MRAP2: variants seen among roughly 807,000 people sequenced by gnomAD.
The protein encoded by MRAP2 is melanocortin 2 receptor accessory protein 2, also known as melanocortin-2 receptor accessory protein 2.
MRAP2 carries 20 observed loss-of-function variants against 17.4 expected under a neutral mutation model. The observed-to-expected ratio is 1.15, with a 90% confidence interval of 0.81 to 1.67. The LOEUF (loss-of-function observed/expected upper bound fraction) is 1.67. Ranked by LOEUF, MRAP2 falls within the 40% of genes most tolerant of loss-of-function variation. The pLI, the probability that MRAP2 is intolerant of heterozygous loss-of-function variation, is 0.00. For synonymous variants in MRAP2, 96 were observed against 88.4 expected (o/e 1.09, Z -0.48); for missense variants, 238 against 240.0 (o/e 0.99, Z 0.05).
At chr6:84,129,340 C>A in the MRAP2 span, among the ~76,000 whole-genome samples, 1 of 152,188 alleles carries the variant, frequency 6.6e-6, no homozygotes, top group Non-Finnish European at 1.5e-5. Flanking sequence ...TCTCCGCATC[C>A]TCTCCAGCAT....
intron 3 of MRAP2, among the ~76,000 whole-genome samples, chr6:84,082,784 T>G (rs563438488): frequency 1.9e-4 from 29 of 152,324 alleles, no homozygotes; most frequent in African/African-American, 6.5e-4. Flanking sequence ...TCCTTTATTC[T>G]TTAATTCATA....
intron 3 of MRAP2, among the ~76,000 whole-genome samples, chr6:84,067,627 T>C (rs927784100): frequency 1.3e-5 from 2 of 152,220 alleles, no homozygotes; most frequent in African/African-American, 4.8e-5. Context: ...ATTTCCCTGA[T>C]CACTAGTGAT....
the MRAP2 span, among the ~76,000 whole-genome samples, chr6:84,123,443 C>A: frequency 6.6e-6 from 1 of 152,032 alleles, no homozygotes. Flanking sequence ...ACTAACTGAT[C>A]TCTGACAAAG....
rs1346445454 is a variant in MRAP2, at chr6:84,090,227, A to G, written c.*746A>G. The G allele has an allele frequency of 6.6e-6, 1 of 152,154 alleles. No individual in the cohort carries two copies. Among genetic ancestry groups the G allele is most frequent in the Non-Finnish European group, 1.5e-5 (1 of 68,054 alleles). The allele number at this position is 152,154 out of a possible 1,614,324, so 9.4% of individuals were successfully genotyped here. On this transcript the variant is annotated 3_prime_UTR_variant, in exon 4 of 4. Transcript: ENST00000257776. The stretch of plus-strand genomic sequence containing the variant: ...TAGGGTACTGCCTCGTATCTCTTGT[A>G]GGCTCTCTCAAATCTCTGTACCTTC...
chr6:84,132,937 T>C, the MRAP2 span, among the ~76,000 whole-genome samples: 1 of 152,158 alleles, frequency 6.6e-6, no homozygotes, highest in Non-Finnish European at 1.5e-5. Flanking sequence ...AGAGGCACTC[T>C]GATTTTTGGA....
At chr6:84,091,551 G>A (rs769443834), downstream of MRAP2, among the ~76,000 whole-genome samples, 2 of 152,014 alleles carry the variant, frequency 1.3e-5, no homozygotes, top group Non-Finnish European at 2.9e-5. Flanking sequence ...CTTCTAATAT[G>A]AGTATGATTA....
At chr6:84,068,787 T>C (rs2099495452) in intron 3 of MRAP2, among the ~76,000 whole-genome samples, 1 of 119,440 alleles carries the variant, frequency 8.4e-6, no homozygotes, top group South Asian at 2.7e-4. Flanking sequence ...CTGAATTCTT[T>C]TTTTTTTTTT....
the MRAP2 span, among the ~76,000 whole-genome samples, chr6:84,101,579 T>G: frequency 6.6e-6 from 1 of 152,196 alleles, no homozygotes. Context: ...CTTTCCACAT[T>G]GATTACACCT....
intron 2 of MRAP2, among the ~76,000 whole-genome samples, chr6:84,060,910 A>G (rs2099493005): frequency 7.1e-6 from 1 of 140,272 alleles, no homozygotes. Flanking sequence ...TGTCTTAGCC[A>G]GGATGGTTTT....
chr6:84,109,720 T>C, the MRAP2 span, among the ~76,000 whole-genome samples: 4 of 152,114 alleles, frequency 2.6e-5, no homozygotes, highest in Non-Finnish European at 5.9e-5. Context: ...TCATCTACAT[T>C]AGCTATTTCT....
At chr6:84,102,206 C>A in the MRAP2 span, among the ~76,000 whole-genome samples, 1 of 152,034 alleles carries the variant, frequency 6.6e-6, no homozygotes. Flanking sequence ...GTGTTGTAGA[C>A]AAAATAATGC....
At chr6:84,063,289 A>G (rs1002740044) in intron 3 of MRAP2, 30 of 985,004 alleles carry the variant, frequency 3.0e-5, no homozygotes, top group East Asian at 1.1e-4. Flanking sequence ...ATTAATTACA[A>G]TGTATTTTAT....
chr6:84,070,459 AC>A (rs2099495940), intron 3 of MRAP2, among the ~76,000 whole-genome samples: 1 of 152,166 alleles, frequency 6.6e-6, no homozygotes, highest in African/African-American at 2.4e-5. Context: ...CTGAAAGAGT[AC>A]CTGATATAAT....
rs899071584 is a variant in MRAP2 at position 84,089,697 on chromosome 6, G to A, written c.*216G>A. ...GTTTTTGCTTTTTAATACATTTGGAGCTTTGGGAGTATTAAAGTATTTACA... is the reference window on the plus strand; with the variant it reads ...GTTTTTGCTTTTTAATACATTTGGAACTTTGGGAGTATTAAAGTATTTACA... On this transcript the variant is annotated 3_prime_UTR_variant, in exon 4 of 4. Coordinates refer to ENST00000257776, the MANE Select transcript of MRAP2 (RefSeq NM_138409.4). 10 of 536,832 alleles carry A rather than the reference G, an allele frequency of 1.9e-5. No individual in the cohort carries two copies. Among genetic ancestry groups the A allele is most frequent in the Non-Finnish European group, 3.2e-5 (10 of 313,368 alleles). 33.3% of individuals were successfully genotyped at this position (536,832 alleles called of 1,614,324 possible). A position where few individuals can be genotyped will look rare whatever the true frequency, so the allele number is the denominator to read the frequency against.
chr6:84,125,526 G>A, the MRAP2 span, among the ~76,000 whole-genome samples: 2 of 152,224 alleles, frequency 1.3e-5, no homozygotes, highest in South Asian at 2.1e-4. Context: ...TGTATGTGGA[G>A]TAAGGAAATA....
chr6:84,077,033 G>A (rs1026494810), intron 3 of MRAP2, among the ~76,000 whole-genome samples: 1 of 152,140 alleles, frequency 6.6e-6, no homozygotes, highest in Admixed American at 6.5e-5. Flanking sequence ...TCAGTACATG[G>A]TATTTCATAA....
chr6:84,118,184 G>A, the MRAP2 span, among the ~76,000 whole-genome samples: 1 of 152,192 alleles, frequency 6.6e-6, no homozygotes, highest in Non-Finnish European at 1.5e-5. Context: ...ATGGGTGGGG[G>A]TGGCTGGAGG....
chr6:84,089,631 G>C lies in MRAP2; in HGVS notation c.*150G>C. On this transcript the variant is annotated 3_prime_UTR_variant, in exon 4 of 4. Coordinates refer to ENST00000257776, the MANE Select transcript of MRAP2 (RefSeq NM_138409.4). ...GCAGAGAAGAGACCCCTTTAGAAGAGAGCTGAGCTGATTAAGCTGAGTGGT... is the reference window on the plus strand; with the variant it reads ...GCAGAGAAGAGACCCCTTTAGAAGACAGCTGAGCTGATTAAGCTGAGTGGT... 1.1e-6 allele frequency: 1 copy of C among 885,834 alleles called. No individual in the cohort carries two copies. 54.9% of individuals were successfully genotyped at this position (885,834 alleles called of 1,614,324 possible).
the MRAP2 span, among the ~76,000 whole-genome samples, chr6:84,109,622 T>G: frequency 3.3e-5 from 5 of 152,186 alleles, no homozygotes; most frequent in Non-Finnish European, 7.3e-5. Flanking sequence ...ATTATTGTAC[T>G]TTAAGTTCTG....
Sources: gnomAD v4.1 joint callset for allele counts (sites outside exome capture counted in the v4.1 genomes callset) on GRCh38, gnomAD v4.1.1 for gene constraint, MANE v1.5 for transcripts, NCBI Gene and HGNC (gene_info 2026-07-23, HGNC 2026-07-21) for gene names.